Variants in BLM observed in about 807,000 individuals in gnomAD.
The protein encoded by BLM is recQ-like DNA helicase BLM.
Under a neutral mutation model 135.3 loss-of-function variants are expected in BLM, and 95 were observed. The observed-to-expected ratio is 0.70, with a 90% CI of 0.59 to 0.83. The LOEUF (loss-of-function observed/expected upper bound fraction) is 0.83. BLM is among the 40% of genes least tolerant of loss of function. BLM has a pLI of 0.00. For synonymous variants in BLM, 520 were observed against 589.2 expected (o/e 0.88, Z 1.70); for missense variants, 1,518 against 1,663.9 (o/e 0.91, Z 1.53).
At chr15:90,785,651 C>T (rs1896728458) in intron 14 of BLM, among the ~76,000 whole-genome samples, 2 of 151,314 alleles carry the variant, frequency 1.3e-5, no homozygotes, top group Non-Finnish European at 2.9e-5. Flanking sequence ...TCAAGTGATT[C>T]TCCTGCCTCA....
chr15:90,779,673 G>A (rs186722580), intron 12 of BLM, among the ~76,000 whole-genome samples: 1 of 152,216 alleles, frequency 6.6e-6, no homozygotes, highest in Admixed American at 6.5e-5. Context: ...AAGACTTTCA[G>A]GGTAATGCAT....
chr15:90,786,174 G>A (rs1385637255), intron 14 of BLM, among the ~76,000 whole-genome samples: 2 of 151,680 alleles, frequency 1.3e-5, no homozygotes, highest in Non-Finnish European at 1.5e-5. Flanking sequence ...TTTTTGTATA[G>A]ACGAGGTCTC....
intron 3 of BLM, among the ~76,000 whole-genome samples, chr15:90,750,465 C>G (rs1018934081): frequency 3.3e-5 from 5 of 152,170 alleles, no homozygotes; most frequent in Non-Finnish European, 5.9e-5. Context: ...AATCTGATAA[C>G]TGAGACCACT....
intron 12 of BLM, among the ~76,000 whole-genome samples, chr15:90,769,920 C>T (rs1024203629): frequency 1.3e-5 from 2 of 152,000 alleles, no homozygotes; most frequent in Non-Finnish European, 2.9e-5. Flanking sequence ...TGGTATAGTC[C>T]CAGTAATAAA....
intron 1 of BLM, among the ~76,000 whole-genome samples, chr15:90,725,014 T>G (rs566900488): frequency 6.6e-6 from 1 of 152,256 alleles, no homozygotes; most frequent in Admixed American, 6.5e-5. Flanking sequence ...GTTCAAGAGA[T>G]TCTCATGTCT....
At chr15:90,774,245 T>C (rs1055361307) in intron 12 of BLM, among the ~76,000 whole-genome samples, 2 of 151,704 alleles carry the variant, frequency 1.3e-5, no homozygotes, top group African/African-American at 4.8e-5. Flanking sequence ...TCTAATTTTG[T>C]ATTTTTAGTA....
At chr15:90,787,072 G>A (rs568074125) in intron 14 of BLM, among the ~76,000 whole-genome samples, 12 of 121,438 alleles carry the variant, frequency 9.9e-5, no homozygotes, top group East Asian at 2.6e-4. Context: ...TTTTTGAGAC[G>A]GGAGTCTCAC....
At position 90,803,240 on chromosome 15, in the gene BLM, G is replaced by A. The variant is rs531790247; in HGVS notation, c.3359-281G>A. The stretch of plus-strand genomic sequence containing the variant: ...AGCACAGTGATAGGAAGCTATTATG[G>A]TTTATGTAAACTCTTTCTTTGATTT... On this transcript the variant is annotated intron_variant, in intron 17 of 21. Coordinates refer to ENST00000355112, the MANE Select transcript of BLM (RefSeq NM_000057.4). Among the ~76,000 whole-genome samples the A allele has an allele frequency of 9.1e-4, 139 of 151,966 alleles. 6 individuals are homozygous for A. The South Asian group carries it at 0.028, about 31-fold the overall frequency.
In BLM at chr15:90,736,429, T is replaced by C. The variant is rs558127049; in HGVS notation, c.-4-10960T>C. The stretch of plus-strand genomic sequence containing the variant: ...TGCATGCCACCACGCCTTACTAATT[T>C]AAAAATTTTTTTTATAGAGACGGAG... On this transcript the variant is annotated intron_variant, in intron 1 of 21. Transcript: ENST00000355112. Among the ~76,000 whole-genome samples, 732 of 152,182 alleles carry C rather than the reference T, an allele frequency of 4.8e-3. 5 individuals are homozygous for C. The highest frequency in any genetic ancestry group is 0.016 in the African/African-American group (677 of 41,508).
Position 90,794,282 on chromosome 15 carries a change from T to C in BLM, c.3135T>C (p.Phe1045=), listed in dbSNP as rs1596260013. 1 of 1,607,138 alleles carries C rather than the reference T, an allele frequency of 6.2e-7. No homozygotes were observed. The change falls in exon 16 of 22, where the codon TTT becomes TTC. Residue 1045 remains phenylalanine, a synonymous_variant. Transcript: ENST00000355112. ...ECRRIQLLAY[F]GENGFNPDFC... is the part of the protein sequence containing the mutation. ...GGAGAATACAGCTTTTGGCCTACTT[T>C]GGTGAAAATGGATTTAATCCTGATT...
At position 90,769,666 on chromosome 15, in the gene BLM, C is replaced by T. The variant is rs79508004; in HGVS notation, c.2555+80C>T. 1,513 of 1,482,726 alleles carry T rather than the reference C, an allele frequency of 1.0e-3. 15 individuals are homozygous for T. In the African/African-American group the frequency reaches 0.018, roughly 17 times the overall value. The allele number at this position is 1,482,726 out of a possible 1,614,324, so 91.8% of individuals were successfully genotyped here. On this transcript the variant is annotated intron_variant, in intron 12 of 21. Coordinates refer to ENST00000355112, the MANE Select transcript of BLM (RefSeq NM_000057.4). ...TGCTACATGTTAGAATCACCTGTGGCGCTTTAACGCCACCACCCCACCCCC... is the reference window on the plus strand; with the variant it reads ...TGCTACATGTTAGAATCACCTGTGGTGCTTTAACGCCACCACCCCACCCCC...
chr15:90,732,596 A>G (rs74686757), intron 1 of BLM, among the ~76,000 whole-genome samples: 6,801 of 151,930 alleles, frequency 0.045, 525 homozygotes, highest in African/African-American at 0.15. Context: ...TTCTTAAAAA[A>G]AAAAAAAAGG....
At chr15:90,755,325 C>G (rs143956317) in intron 5 of BLM, 7 of 219,544 alleles carry the variant, frequency 3.2e-5, no homozygotes, top group Admixed American at 5.3e-5. Flanking sequence ...TTTCCCTCCC[C>G]CTCCTTGACT....
At chr15:90,764,232 T>G (rs939352789) in intron 8 of BLM, among the ~76,000 whole-genome samples, 2 of 148,474 alleles carry the variant, frequency 1.3e-5, no homozygotes, top group Non-Finnish European at 3.0e-5. Flanking sequence ...GAGAGAGAGA[T>G]ATATATAATA....
intron 4 of BLM, among the ~76,000 whole-genome samples, chr15:90,753,321 G>C (rs1895736918): frequency 6.6e-6 from 1 of 152,160 alleles, no homozygotes; most frequent in Non-Finnish European, 1.5e-5. Context: ...TCCATCTTCA[G>C]TTTTGATACA....
chr15:90,800,793 G>C lies in BLM; in HGVS notation c.3358+2456G>C, dbSNP rs1897147953. Among the ~76,000 whole-genome samples the C allele has an allele frequency of 2.0e-5, 3 of 152,062 alleles. No individual in the cohort carries two copies. In the South Asian group the frequency reaches 6.2e-4, roughly 32 times the overall value. Reference sequence around the variant, plus strand: ...GTTACTTCTCAACCAAAAAAAAGGAGAGAGGCCCTTAGAAACTCCAGGGAA... The same window carrying C: ...GTTACTTCTCAACCAAAAAAAAGGACAGAGGCCCTTAGAAACTCCAGGGAA... On this transcript the variant is annotated intron_variant, in intron 17 of 21. Coordinates refer to ENST00000355112, the MANE Select transcript of BLM (RefSeq NM_000057.4).
At chr15:90,776,113 T>C (rs1440297327) in intron 12 of BLM, among the ~76,000 whole-genome samples, 1 of 152,234 alleles carries the variant, frequency 6.6e-6, no homozygotes, top group Non-Finnish European at 1.5e-5. Context: ...GGAAGGCATT[T>C]TTTGTAGCTG....
At chr15:90,745,339 A>ATTTT (rs1168134240) in intron 1 of BLM, among the ~76,000 whole-genome samples, 49 of 152,214 alleles carry the variant, frequency 3.2e-4, no homozygotes, top group Non-Finnish European at 4.9e-4. Context: ...CACTATTTGA[A>ATTTT]GGTGGTGAAA....
chr15:90,750,174 T>C, intron 3 of BLM, 107 bp downstream of exon 3: 10 of 1,214,192 alleles, frequency 8.2e-6, no homozygotes, highest in Non-Finnish European at 1.2e-5. Flanking sequence ...CTTAAGGTTG[T>C]TAGGGTCTTT....
Sources: gnomAD v4.1 joint callset for allele counts (sites outside exome capture counted in the v4.1 genomes callset) on GRCh38, gnomAD v4.1.1 for gene constraint, MANE v1.5 for transcripts, NCBI Gene and HGNC (gene_info 2026-07-23, HGNC 2026-07-21) for gene names.